ROBO1: variants seen among roughly 807,000 people sequenced by gnomAD.
ROBO1 encodes roundabout guidance receptor 1.
A neutral mutation model predicts 195.9 loss-of-function variants in ROBO1; 149 were observed. The observed-to-expected ratio is 0.76, with a 90% CI of 0.67 to 0.87. ROBO1 has a LOEUF of 0.87. Ranked by LOEUF, ROBO1 falls within the 40% of genes least tolerant of loss-of-function variation. The pLI, the probability that ROBO1 is intolerant of heterozygous loss-of-function variation, is 0.00. For missense variants in ROBO1, 1,933 were observed against 2,068.3 expected, an observed-to-expected ratio of 0.93 and a Z score of 1.27; for synonymous variants, 816 against 733.2, an observed-to-expected ratio of 1.11 and a Z score of -1.82.
At chr3:79,060,267 C>A (rs2078891758) in intron 3 of ROBO1, among the ~76,000 whole-genome samples, 1 of 151,920 alleles carries the variant, frequency 6.6e-6, no homozygotes, top group Admixed American at 6.6e-5. Context: ...AGGACATGGA[C>A]CTTCATCAGT....
intron 4 of ROBO1, among the ~76,000 whole-genome samples, chr3:78,770,972 TGA>T (rs1405297497): frequency 6.6e-6 from 1 of 151,744 alleles, no homozygotes; most frequent in African/African-American, 2.4e-5. Context: ...GATGCTGAGG[TGA>T]GAGAGTCACT....
chr3:79,565,966 T>A (rs1475012900), intron 2 of ROBO1, among the ~76,000 whole-genome samples: 1 of 152,112 alleles, frequency 6.6e-6, no homozygotes, highest in Non-Finnish European at 1.5e-5. Flanking sequence ...CCCTTCCTGG[T>A]GGAACTCTTT....
At chr3:79,366,428 C>T (rs2035978143) in intron 2 of ROBO1, among the ~76,000 whole-genome samples, 1 of 152,176 alleles carries the variant, frequency 6.6e-6, no homozygotes, top group Admixed American at 6.5e-5. Context: ...ACCTCTAACC[C>T]TGTTTCCAGC....
chr3:78,998,698 A>C (rs1302681997), intron 3 of ROBO1, among the ~76,000 whole-genome samples: 1 of 151,962 alleles, frequency 6.6e-6, no homozygotes, highest in African/African-American at 2.4e-5. Flanking sequence ...TCATTCTACT[A>C]TCCAAAAACT....
chr3:79,561,408 A>G (rs147114811), intron 2 of ROBO1, among the ~76,000 whole-genome samples: 11 of 152,314 alleles, frequency 7.2e-5, no homozygotes, highest in African/African-American at 2.4e-4. Flanking sequence ...TAGGCAGAGT[A>G]TAAGCACCTA....
intron 10 of ROBO1, among the ~76,000 whole-genome samples, chr3:78,675,225 C>T (rs949367518): frequency 2.6e-5 from 4 of 151,552 alleles, no homozygotes; most frequent in African/African-American, 7.3e-5. Context: ...GTCTACAGCT[C>T]CCAGCGTGAG....
intron 19 of ROBO1, among the ~76,000 whole-genome samples, chr3:78,650,292 C>T (rs530379686): frequency 6.6e-6 from 1 of 152,204 alleles, no homozygotes; most frequent in Non-Finnish European, 1.5e-5. Context: ...TTCCATTTCA[C>T]AGGCGGGAAT....
At chr3:79,671,952 G>A (rs1946644825) in intron 1 of ROBO1, among the ~76,000 whole-genome samples, 1 of 152,010 alleles carries the variant, frequency 6.6e-6, no homozygotes, top group Non-Finnish European at 1.5e-5. Context: ...CAACAACTGC[G>A]AATTGCAACC....
intron 3 of ROBO1, among the ~76,000 whole-genome samples, chr3:78,982,836 C>T (rs1156681708): frequency 6.6e-6 from 1 of 152,112 alleles, no homozygotes; most frequent in Non-Finnish European, 1.5e-5. Flanking sequence ...TCAGGCTGGT[C>T]TCGAACTCCT....
chr3:79,634,886 T>C (rs976704863), intron 1 of ROBO1, among the ~76,000 whole-genome samples: 7 of 152,174 alleles, frequency 4.6e-5, no homozygotes, highest in African/African-American at 1.7e-4. Flanking sequence ...AATATAACCA[T>C]TTGAATGTAG....
chr3:79,416,091 T>G (rs1430272803), intron 2 of ROBO1, among the ~76,000 whole-genome samples: 1 of 151,022 alleles, frequency 6.6e-6, no homozygotes, highest in East Asian at 2.0e-4. Flanking sequence ...ATAAAAAAAA[T>G]AACACTTCAA....
At chr3:79,176,008 G>T (rs1476547417) in intron 2 of ROBO1, among the ~76,000 whole-genome samples, 2 of 152,126 alleles carry the variant, frequency 1.3e-5, no homozygotes, top group African/African-American at 2.4e-5. Flanking sequence ...CCCCTTGAAG[G>T]TTACGCTGAT....
chr3:78,693,516 ATTTG>A (rs1368839101), intron 8 of ROBO1, among the ~76,000 whole-genome samples: 1 of 152,218 alleles, frequency 6.6e-6, no homozygotes, highest in Non-Finnish European at 1.5e-5. Context: ...ATGGATGAAT[ATTTG>A]TTAGCATTTT....
At chr3:79,298,416 TC>T (rs752092563) in intron 2 of ROBO1, among the ~76,000 whole-genome samples, 3 of 152,130 alleles carry the variant, frequency 2.0e-5, no homozygotes, top group Non-Finnish European at 2.9e-5. Flanking sequence ...ATAATATGCC[TC>T]CCCTCAGGAG....
intron 2 of ROBO1, among the ~76,000 whole-genome samples, chr3:79,294,998 T>C (rs532641535): frequency 6.6e-5 from 10 of 152,296 alleles, no homozygotes; most frequent in South Asian, 4.1e-4. Flanking sequence ...ACACTGTTGG[T>C]TGGAGTGTAA....
At chr3:78,671,848 T>G (rs1708081943) in intron 10 of ROBO1, among the ~76,000 whole-genome samples, 1 of 152,168 alleles carries the variant, frequency 6.6e-6, no homozygotes, top group Non-Finnish European at 1.5e-5. Flanking sequence ...CAATCCAATA[T>G]CTGGGAATAT....
At chr3:79,349,664 G>T (rs1350307740) in intron 2 of ROBO1, among the ~76,000 whole-genome samples, 2 of 152,172 alleles carry the variant, frequency 1.3e-5, no homozygotes, top group Non-Finnish European at 2.9e-5. Flanking sequence ...AAACCTATGT[G>T]TGTATCGTCA....
chr3:79,134,983 A>T (rs1179687105), intron 2 of ROBO1, among the ~76,000 whole-genome samples: 1 of 147,516 alleles, frequency 6.8e-6, no homozygotes, highest in Non-Finnish European at 1.5e-5. Context: ...GCACATGTAT[A>T]CATATGTAAC....
chr3:79,392,056 T>C (rs1323325737), intron 2 of ROBO1, among the ~76,000 whole-genome samples: 1 of 152,194 alleles, frequency 6.6e-6, no homozygotes, highest in Non-Finnish European at 1.5e-5. Flanking sequence ...AGATCTCTTT[T>C]GTTCAGAATT....
Sources: allele counts gnomAD v4.1 joint callset (sites outside exome capture counted in the v4.1 genomes callset), GRCh38; gene constraint gnomAD v4.1.1; transcripts MANE v1.5; gene names NCBI Gene and HGNC (gene_info 2026-07-23, HGNC 2026-07-21).